MTSS1: variants seen among roughly 807,000 people sequenced by gnomAD.
The protein encoded by MTSS1 is MTSS I-BAR domain containing 1, also known as protein MTSS 1.
In MTSS1, 18 loss-of-function variants were observed where a neutral mutation model predicts 79.0. The ratio of observed to expected loss-of-function variants is 0.23; its 90% CI spans 0.16 to 0.34. The LOEUF (loss-of-function observed/expected upper bound fraction) is 0.34, where lower values mean the gene tolerates loss of function less well. Among genes scored for constraint, MTSS1 ranks in the 10% least tolerant of loss-of-function variants. The pLI is 1.00. For missense variants in MTSS1, 815 were observed against 986.2 expected, an observed-to-expected ratio of 0.83 and a Z score of 2.33; for synonymous variants, 341 against 368.6, an observed-to-expected ratio of 0.93 and a Z score of 0.86.
intron 2 of MTSS1, among the ~76,000 whole-genome samples, chr8:124,700,200 G>A (rs577807005): frequency 6.6e-6 from 1 of 151,700 alleles, no homozygotes; most frequent in Admixed American, 6.6e-5. Flanking sequence ...GAGGAAAACA[G>A]AGGCATTTCT....
rs1226753052 is a variant in MTSS1, at chr8:124,551,951, G to A, written c.*1041C>T. The A allele has an allele frequency of 1.3e-5, 2 of 152,648 alleles. No individual in the cohort carries two copies. The highest frequency in any genetic ancestry group is 2.9e-5 in the Non-Finnish European group (2 of 68,036). The allele number at this position is 152,648 out of a possible 1,614,324, so 9.5% of individuals were successfully genotyped here. ...CTGGCTACCCTTGTCAAATCTGTTC[G>A]AGTTTTTTCAAAATACTTGGGCTTT... On this transcript the variant is annotated 3_prime_UTR_variant, in exon 14 of 14. Transcript: ENST00000518547.
chr8:124,679,841 A>G (rs762735252), intron 3 of MTSS1, among the ~76,000 whole-genome samples: 8 of 152,354 alleles, frequency 5.3e-5, no homozygotes, highest in South Asian at 4.1e-4. Context: ...TAACTCTTCA[A>G]CAGGAGAAAA....
At chr8:124,562,034 A>G (rs538736875) in intron 10 of MTSS1, among the ~76,000 whole-genome samples, 162 of 152,336 alleles carry the variant, frequency 1.1e-3, no homozygotes, top group African/African-American at 3.6e-3. Context: ...GGCACCCAGC[A>G]TTCTGTATGT....
chr8:124,603,325 C>T (rs1834253115), intron 3 of MTSS1, among the ~76,000 whole-genome samples: 1 of 152,126 alleles, frequency 6.6e-6, no homozygotes, highest in Non-Finnish European at 1.5e-5. Flanking sequence ...AGTGCCTGGC[C>T]AGGCATCCCA....
In MTSS1 at chr8:124,553,320, G is replaced by T; in HGVS notation, c.1940C>A (p.Ser647Ter). 2 of 1,614,008 alleles carry T rather than the reference G, an allele frequency of 1.2e-6. No individual in the cohort carries two copies. The highest frequency in any genetic ancestry group is 1.7e-6 in the Non-Finnish European group (2 of 1,179,934). Residue 647 changes from serine to a stop codon, truncating the protein, a stop_gained, in exon 14 of 14, where the codon TCG (serine) becomes TAG (stop). Transcript: ENST00000518547. LOFTEE classifies it high-confidence loss of function. This position sits in a 1 kb window ranked among gnomAD's most constrained non-coding sequence, Gnocchi z 6.0. ...PEERGEHSPE[S>*]PSVGEGPQGV... ...TTGGGGGCCCTCACCCACAGATGGC[G>T]ACTCAGGGCTGTGCTCCCCCCGCTC...
rs1179955338 is a variant in MTSS1, at chr8:124,551,400, A to G, written c.*1592T>C. The G allele has an allele frequency of 1.3e-5, 2 of 152,686 alleles. No individual in the cohort carries two copies. The highest frequency in any genetic ancestry group is 4.8e-5 in the African/African-American group (2 of 41,468). The allele number at this position is 152,686 out of a possible 1,614,324, so 9.5% of individuals were successfully genotyped here. A position where few individuals can be genotyped will look rare whatever the true frequency, so the allele number is the denominator to read the frequency against. On this transcript the variant is annotated 3_prime_UTR_variant, in exon 14 of 14. Transcript: ENST00000518547. ...GCCGTAACATAAAATGTCCTTGAGC[A>G]ATCGCAGCAGTGTTCAATGTTAATA...
chr8:124,570,838 T>C (rs1827623412), intron 6 of MTSS1, among the ~76,000 whole-genome samples: 2 of 152,042 alleles, frequency 1.3e-5, no homozygotes, highest in Non-Finnish European at 2.9e-5. Context: ...GCCCAGCTAG[T>C]TTTTCAATTT....
intron 3 of MTSS1, among the ~76,000 whole-genome samples, chr8:124,592,323 G>A (rs16899826): frequency 0.021 from 3,190 of 152,318 alleles, 118 homozygotes; most frequent in African/African-American, 0.073. Context: ...ACACATGGTA[G>A]TTCTGCGCTG....
At chr8:124,695,695 A>C (rs2135330423) in intron 3 of MTSS1, among the ~76,000 whole-genome samples, 1 of 152,320 alleles carries the variant, frequency 6.6e-6, no homozygotes, top group Admixed American at 6.5e-5. Flanking sequence ...CAGAAATTCC[A>C]TTTGGCCGCT....
chr8:124,568,477 G>A lies in MTSS1; in HGVS notation c.520C>T (p.Leu174Phe), dbSNP rs962143608. ...TGCTTTTCTGTTTCTTCCAATAAGA[G>A]ATACTTATCATTGACATCTTGGAGA... ...SALQDVNDKY[L>F]LLEETEKQAV... The change falls in exon 7 of 14, where the codon CTC becomes TTC. Residue 174 changes from leucine to phenylalanine, a missense_variant. Coordinates refer to ENST00000518547, the MANE Select transcript of MTSS1 (RefSeq NM_014751.6). 1.2e-6 allele frequency: 2 copies of A among 1,614,134 alleles called. No individual in the cohort carries two copies. Among genetic ancestry groups the A allele is most frequent in the African/African-American group, 1.3e-5 (1 of 75,008 alleles).
intron 6 of MTSS1, chr8:124,579,950 G>A (rs1454456861): frequency 6.6e-6 from 1 of 152,462 alleles, no homozygotes; most frequent in African/African-American, 2.4e-5. Flanking sequence ...ATTCAGTCAA[G>A]AAGAATCATT....
chr8:124,565,611 A>G (rs1416573367), intron 9 of MTSS1, 51 bp downstream of exon 9: 2 of 1,511,218 alleles, frequency 1.3e-6, no homozygotes, highest in South Asian at 1.1e-5. Flanking sequence ...ACATTAGCAT[A>G]AAGAAAAATG....
intron 3 of MTSS1, among the ~76,000 whole-genome samples, chr8:124,686,494 C>A (rs1827011523): frequency 6.6e-6 from 1 of 152,102 alleles, no homozygotes; most frequent in African/African-American, 2.4e-5. Context: ...TGTCGAATTC[C>A]TAACATCATA....
chr8:124,556,195 G>C, intron 12 of MTSS1, 37 bp downstream of exon 12: 1 of 1,613,896 alleles, frequency 6.2e-7, no homozygotes, highest in Non-Finnish European at 8.5e-7. Context: ...GCCAGGCTGA[G>C]GTGGCCCCAA....
At chr8:124,695,497 T>C (rs11776802) in intron 3 of MTSS1, among the ~76,000 whole-genome samples, 38,858 of 152,120 alleles carry the variant, frequency 0.26, 5,283 homozygotes, top group East Asian at 0.5. Context: ...TTGAAGCACT[T>C]TTTACAGATT....
chr8:124,723,294 C>T (rs932000181), intron 1 of MTSS1, among the ~76,000 whole-genome samples: 3 of 152,182 alleles, frequency 2.0e-5, no homozygotes, highest in Non-Finnish European at 2.9e-5. Context: ...ATAAATACTA[C>T]GGAATGAGTA....
intron 3 of MTSS1, among the ~76,000 whole-genome samples, chr8:124,607,284 AG>A (rs1459924792): frequency 3.3e-5 from 5 of 152,360 alleles, no homozygotes; most frequent in African/African-American, 1.2e-4. Context: ...AAGGCCCTTG[AG>A]GGATACAGGC....
At chr8:124,693,214 A>G (rs1363340479) in intron 3 of MTSS1, among the ~76,000 whole-genome samples, 2 of 152,150 alleles carry the variant, frequency 1.3e-5, no homozygotes, top group African/African-American at 4.8e-5. Flanking sequence ...GAAAACAGTG[A>G]GCAGTTCTTT....
intron 3 of MTSS1, among the ~76,000 whole-genome samples, chr8:124,623,558 T>C (rs1273590981): frequency 6.6e-6 from 1 of 152,228 alleles, no homozygotes; most frequent in East Asian, 1.9e-4. Flanking sequence ...TAAAATTAAC[T>C]GTCCAATTTA....
Sources: gnomAD v4.1 joint callset for allele counts (sites outside exome capture counted in the v4.1 genomes callset) on GRCh38, gnomAD v4.1.1 for gene constraint, Gnocchi (gnomAD v3.1) non-coding constraint, MANE v1.5 for transcripts, NCBI Gene and HGNC (gene_info 2026-07-23, HGNC 2026-07-21) for gene names.